Variants in CSMD3 observed in about 807,000 individuals in gnomAD.
CSMD3 encodes CUB and sushi domain-containing protein 3.
CSMD3 carries 177 observed loss-of-function variants against 435.2 expected under a neutral mutation model. The observed-to-expected ratio is 0.41, with a 90% confidence interval of 0.36 to 0.46. The LOEUF (loss-of-function observed/expected upper bound fraction) is 0.46. Ranked by LOEUF, CSMD3 falls within the 20% of genes least tolerant of loss-of-function variation. The pLI is 0.34. For missense variants in CSMD3, 4,265 were observed against 4,504.6 expected, an observed-to-expected ratio of 0.95 and a Z score of 1.52; for synonymous variants, 1,656 against 1,520.5, an observed-to-expected ratio of 1.09 and a Z score of -2.07.
rs71281204 is a variant in CSMD3, at chr8:113,168,519, C to CAAAAAAAAAAAAAAAAA, written c.709+5186_709+5202dup. 2.4e-4 allele frequency among the ~76,000 whole-genome samples: 4 copies of CAAAAAAAAAAAAAAAAA among 17,018 alleles called. 2 individuals carry two copies. Among genetic ancestry groups the CAAAAAAAAAAAAAAAAA allele is most frequent in the Admixed American group, 1.6e-3 (2 of 1,228 alleles). 11.2% of individuals were successfully genotyped at this position (17,018 alleles called of 152,430 possible). A position where few individuals can be genotyped will look rare whatever the true frequency, so the allele number is the denominator to read the frequency against. On this transcript the variant is annotated intron_variant, in intron 4 of 70. Transcript: ENST00000297405. ...CTGGTGACAGAGCAAGACTCTGTCT[C>CAAAAAAAAAAAAAAAAA]AAAAAAAAAAAAAAAAAAAAAAAAA... is the stretch of plus-strand genomic sequence containing the variant.
chr8:112,265,746 G>A (rs1173120200), intron 59 of CSMD3, among the ~76,000 whole-genome samples, 156 bp from the exon 60 acceptor site: 1 of 151,932 alleles, frequency 6.6e-6, no homozygotes. Flanking sequence ...ACCACATACT[G>A]GCAATTCCTG....
intron 12 of CSMD3, among the ~76,000 whole-genome samples, chr8:112,809,814 C>A (rs2079177479): frequency 6.6e-6 from 1 of 152,226 alleles, no homozygotes; most frequent in South Asian, 2.1e-4. Flanking sequence ...AATTATAAAT[C>A]CATTCTCTAC....
At chr8:113,072,143 T>C (rs995986912) in intron 5 of CSMD3, among the ~76,000 whole-genome samples, 2 of 151,856 alleles carry the variant, frequency 1.3e-5, no homozygotes, top group African/African-American at 4.8e-5. Flanking sequence ...AATTTTTGCA[T>C]GTTGATTTTG....
At chr8:113,303,190 A>T (rs2093787937) in intron 2 of CSMD3, among the ~76,000 whole-genome samples, 1 of 145,242 alleles carries the variant, frequency 6.9e-6, no homozygotes, top group South Asian at 2.3e-4. Context: ...AATACCTAGG[A>T]ATCCAACTTA....
chr8:113,397,660 C>CA (rs984964607), intron 1 of CSMD3, among the ~76,000 whole-genome samples: 7 of 150,788 alleles, frequency 4.6e-5, no homozygotes, highest in South Asian at 2.1e-4. Context: ...AGTAAAAATA[C>CA]AAAAAAAATT....
intron 32 of CSMD3, among the ~76,000 whole-genome samples, chr8:112,443,037 C>T (rs1419816228): frequency 6.6e-6 from 1 of 152,174 alleles, no homozygotes. Flanking sequence ...ATATAATCCC[C>T]TTTTTCCTTT....
chr8:112,522,612 C>T (rs1824414797), intron 27 of CSMD3, among the ~76,000 whole-genome samples: 1 of 151,818 alleles, frequency 6.6e-6, no homozygotes, highest in Non-Finnish European at 1.5e-5. Flanking sequence ...TTTGTCATTT[C>T]AGTGTATGCT....
chr8:112,818,653 A>G (rs2079445443), intron 12 of CSMD3, among the ~76,000 whole-genome samples: 1 of 152,308 alleles, frequency 6.6e-6, no homozygotes, highest in South Asian at 2.1e-4. Context: ...AATGTGGGCA[A>G]GATGGGCCCC....
Position 113,253,105 on chromosome 8 carries a change from C to T in CSMD3, c.514+25487G>A, listed in dbSNP as rs150827243. 2.2e-3 allele frequency among the ~76,000 whole-genome samples: 339 copies of T among 152,170 alleles called. 1 individual carries two copies. Among genetic ancestry groups the T allele is most frequent in the African/African-American group, 7.9e-3 (328 of 41,530 alleles). On this transcript the variant is annotated intron_variant, in intron 3 of 70. Transcript: ENST00000297405. ...ACAGAATCCAGATAAGAGCTAAATC[C>T]ATGCAATCCCACATTTCCCAAACCA... is the stretch of plus-strand genomic sequence containing the variant.
intron 30 of CSMD3, among the ~76,000 whole-genome samples, chr8:112,500,944 G>A (rs922195061): frequency 1.3e-5 from 2 of 152,102 alleles, no homozygotes; most frequent in Non-Finnish European, 2.9e-5. Context: ...CGCACACTAT[G>A]TAAATGTCAT....
At chr8:113,110,051 T>C (rs1477473824) in intron 4 of CSMD3, among the ~76,000 whole-genome samples, 2 of 152,186 alleles carry the variant, frequency 1.3e-5, no homozygotes, top group African/African-American at 4.8e-5. Flanking sequence ...CCCCAGGCTC[T>C]TGTAGCCTGG....
chr8:113,296,068 GTTC>G (rs2093719038), intron 2 of CSMD3, among the ~76,000 whole-genome samples: 2 of 151,666 alleles, frequency 1.3e-5, no homozygotes, highest in Non-Finnish European at 2.9e-5. Context: ...AACATTGCAT[GTTC>G]TCACTCATAG....
intron 3 of CSMD3, among the ~76,000 whole-genome samples, chr8:113,190,945 C>T (rs961604046): frequency 6.6e-6 from 1 of 151,790 alleles, no homozygotes; most frequent in Non-Finnish European, 1.5e-5. Context: ...CTTTCTAATA[C>T]ATTTAAATGT....
intron 7 of CSMD3, among the ~76,000 whole-genome samples, chr8:112,966,131 T>A (rs951253436): frequency 2.0e-5 from 3 of 151,892 alleles, no homozygotes; most frequent in South Asian, 4.1e-4. Context: ...CATTCCCCTA[T>A]TTTTTGTATT....
intron 10 of CSMD3, among the ~76,000 whole-genome samples, chr8:112,918,535 C>G (rs946616635): frequency 6.6e-6 from 1 of 151,730 alleles, no homozygotes; most frequent in African/African-American, 2.4e-5. Flanking sequence ...CTTTAAGTAT[C>G]AGGAAGGTCT....
chr8:112,805,091 A>T (rs150665084), intron 12 of CSMD3, among the ~76,000 whole-genome samples: 32 of 152,214 alleles, frequency 2.1e-4, no homozygotes, highest in Non-Finnish European at 4.3e-4. Context: ...CCACACAAAT[A>T]GGGCCTCATA....
intron 45 of CSMD3, among the ~76,000 whole-genome samples, chr8:112,333,926 T>G (rs1824319274): frequency 6.6e-6 from 1 of 152,208 alleles, no homozygotes; most frequent in East Asian, 1.9e-4. Context: ...TTTTTTTATC[T>G]TAATGATTAT....
intron 10 of CSMD3, among the ~76,000 whole-genome samples, chr8:112,859,965 C>G (rs1175060475): frequency 4.0e-5 from 6 of 151,696 alleles, no homozygotes; most frequent in Non-Finnish European, 8.9e-5. Flanking sequence ...CAAATCCTGC[C>G]CATATTATCA....
intron 1 of CSMD3, among the ~76,000 whole-genome samples, chr8:113,368,090 C>T (rs1375530675): frequency 6.6e-6 from 1 of 152,018 alleles, no homozygotes; most frequent in African/African-American, 2.4e-5. Context: ...CCTATTTGTC[C>T]TCCTTAGGAA....
Sources: allele counts gnomAD v4.1 joint callset (sites outside exome capture counted in the v4.1 genomes callset), GRCh38; gene constraint gnomAD v4.1.1; transcripts MANE v1.5; gene names NCBI Gene and HGNC (gene_info 2026-07-23, HGNC 2026-07-21).